The following VPS8 variants were observed in gnomAD, a reference collection of about 807,000 sequenced individuals.
The protein encoded by VPS8 is vacuolar protein sorting-associated protein 8 homolog.
Under a neutral mutation model 216.4 loss-of-function variants are expected in VPS8, and 129 were observed. The ratio of observed to expected loss-of-function variants is 0.60; its 90% CI spans 0.52 to 0.69. The LOEUF (loss-of-function observed/expected upper bound fraction) is 0.69. Among genes scored for constraint, VPS8 ranks in the 30% least tolerant of loss-of-function variants. The pLI is 0.00. For missense variants in VPS8, 1,531 were observed against 1,683.5 expected, an observed-to-expected ratio of 0.91 and a Z score of 1.59; for synonymous variants, 571 against 565.4, an observed-to-expected ratio of 1.01 and a Z score of -0.14.
At chr3:184,913,086 TA>T (rs1560644539) in intron 25 of VPS8, among the ~76,000 whole-genome samples, 1 of 152,244 alleles carries the variant, frequency 6.6e-6, no homozygotes, top group Non-Finnish European at 1.5e-5. Context: ...TCTGTTACTT[TA>T]AACATTTGGG....
chr3:185,003,191 T>G (rs1472158154), intron 45 of VPS8, among the ~76,000 whole-genome samples: 7 of 138,570 alleles, frequency 5.1e-5, no homozygotes, highest in African/African-American at 1.6e-4. Context: ...TTCTTGGGTG[T>G]TTCTCGCAGA....
At chr3:184,839,126 C>T (rs926432853) in intron 6 of VPS8, 1 of 196,202 alleles carries the variant, frequency 5.1e-6, no homozygotes, top group African/African-American at 2.4e-5. Context: ...CTCTGGATTC[C>T]ATTGTCAGGC....
At chr3:184,866,028 C>A (rs2108754124) in intron 16 of VPS8, among the ~76,000 whole-genome samples, 1 of 151,724 alleles carries the variant, frequency 6.6e-6, no homozygotes, top group African/African-American at 2.4e-5. Flanking sequence ...ACCAATCTGA[C>A]TCAGAAGTTC....
At chr3:184,826,327 TCCAGTAGGGTAG>T in intron 3 of VPS8, 96 bp downstream of exon 3, 1 of 812,176 alleles carries the variant, frequency 1.2e-6, no homozygotes, top group South Asian at 2.1e-5. Flanking sequence ...ATGCGCACTT[TCCAGTAGGGTAG>T]CCACTAGTCG....
chr3:184,826,237 T>C lies in VPS8; in HGVS notation c.222+6T>C, dbSNP rs1306375886. On this transcript the variant is annotated splice_donor_region_variant and intron_variant, in intron 3 of 47. Coordinates refer to ENST00000625842, the MANE Select transcript of VPS8 (RefSeq NM_001009921.3). Reference sequence around the variant, plus strand: ...TGGAAAGCATACTAAATGAGGTAAGTGAATATTAATGATTACTGTCATTTT... The same window carrying C: ...TGGAAAGCATACTAAATGAGGTAAGCGAATATTAATGATTACTGTCATTTT... The C allele has an allele frequency of 6.3e-7, 1 of 1,599,240 alleles. No homozygotes were observed. Among genetic ancestry groups the C allele is most frequent in the African/African-American group, 1.3e-5 (1 of 74,468 alleles).
intron 45 of VPS8, among the ~76,000 whole-genome samples, chr3:185,012,064 A>T (rs1230172585): frequency 6.6e-6 from 1 of 152,038 alleles, no homozygotes; most frequent in Non-Finnish European, 1.5e-5. Context: ...CACTGAAAAA[A>T]ATTAGTAAAT....
intron 46 of VPS8, among the ~76,000 whole-genome samples, chr3:185,040,842 C>G (rs536593811): frequency 6.6e-6 from 1 of 152,266 alleles, no homozygotes; most frequent in African/African-American, 2.4e-5. Flanking sequence ...CCTTGGGAAT[C>G]ATTTTTTTCC....
intron 42 of VPS8, among the ~76,000 whole-genome samples, chr3:184,984,663 T>C (rs1014143360): frequency 6.6e-6 from 1 of 152,220 alleles, no homozygotes; most frequent in African/African-American, 2.4e-5. Flanking sequence ...TTCTTTGATA[T>C]AGACTGCTTC....
chr3:184,871,694 A>G (rs998816173), intron 21 of VPS8, among the ~76,000 whole-genome samples: 2 of 152,126 alleles, frequency 1.3e-5, no homozygotes, highest in African/African-American at 4.8e-5. Context: ...AATTTACATG[A>G]TCTTTACTAT....
intron 46 of VPS8, among the ~76,000 whole-genome samples, chr3:185,029,404 G>C (rs1286295893): frequency 6.6e-6 from 1 of 152,184 alleles, no homozygotes; most frequent in Admixed American, 6.5e-5. Flanking sequence ...CCTGCCAAGA[G>C]CTGGATTCAA....
At chr3:184,953,365 G>A (rs1328582682) in intron 36 of VPS8, among the ~76,000 whole-genome samples, 2 of 152,196 alleles carry the variant, frequency 1.3e-5, no homozygotes, top group Non-Finnish European at 1.5e-5. Flanking sequence ...GGGATATCTT[G>A]AAGTGGGGGT....
At chr3:184,850,901 A>G (rs1014096512) in intron 10 of VPS8, among the ~76,000 whole-genome samples, 3 of 152,262 alleles carry the variant, frequency 2.0e-5, no homozygotes, top group African/African-American at 7.2e-5. Context: ...AATAAAAACA[A>G]CCAAGACAAG....
At chr3:184,897,012 G>A (rs1397657221) in intron 23 of VPS8, among the ~76,000 whole-genome samples, 1 of 152,146 alleles carries the variant, frequency 6.6e-6, no homozygotes, top group East Asian at 1.9e-4. Flanking sequence ...AAGGATTTTT[G>A]TCTCGGGTGT....
At chr3:184,822,032 T>C (rs888438217) in intron 1 of VPS8, among the ~76,000 whole-genome samples, 5 of 152,018 alleles carry the variant, frequency 3.3e-5, no homozygotes, top group Non-Finnish European at 5.9e-5. Context: ...AACACAAATG[T>C]CCACAATATT....
intron 44 of VPS8, among the ~76,000 whole-genome samples, chr3:184,998,369 T>A (rs1490743730): frequency 6.6e-6 from 1 of 151,740 alleles, no homozygotes; most frequent in Non-Finnish European, 1.5e-5. Context: ...TAAGAAGTGG[T>A]AGGATTCTGG....
intron 22 of VPS8, chr3:184,893,553 C>A: frequency 2.6e-6 from 1 of 381,894 alleles, no homozygotes; most frequent in South Asian, 6.2e-5. Context: ...ATTAAATTGT[C>A]AGGGGAGAAA....
intron 36 of VPS8, among the ~76,000 whole-genome samples, chr3:184,955,509 T>G (rs965667460): frequency 2.0e-5 from 3 of 152,012 alleles, no homozygotes. Context: ...TCGTCTTGTA[T>G]GCAATAAATA....
At chr3:184,957,590 A>G (rs1745828997) in intron 37 of VPS8, 69 bp downstream of exon 37, 2 of 1,464,950 alleles carry the variant, frequency 1.4e-6, no homozygotes, top group South Asian at 2.7e-5. Flanking sequence ...CAGATGATCA[A>G]AGACAAGGGG....
intron 22 of VPS8, among the ~76,000 whole-genome samples, chr3:184,887,951 C>T (rs1328405716): frequency 6.6e-6 from 1 of 151,452 alleles, no homozygotes; most frequent in Non-Finnish European, 1.5e-5. Context: ...TAGCAAAACA[C>T]ATCGTGTTTA....
Sources: allele counts gnomAD v4.1 joint callset (sites outside exome capture counted in the v4.1 genomes callset), GRCh38; gene constraint gnomAD v4.1.1; transcripts MANE v1.5; gene names NCBI Gene and HGNC (gene_info 2026-07-23, HGNC 2026-07-21).